Variants in CD6 observed in about 807,000 individuals in gnomAD.
The protein encoded by CD6 is T-cell differentiation antigen CD6.
Under a neutral mutation model 75.3 loss-of-function variants are expected in CD6, and 53 were observed. The observed-to-expected ratio is 0.70, with a 90% CI of 0.56 to 0.88. The LOEUF (loss-of-function observed/expected upper bound fraction) is 0.88, where lower values mean the gene tolerates loss of function less well. Ranked by LOEUF, CD6 falls within the 40% of genes least tolerant of loss-of-function variation. The pLI, the probability that CD6 is intolerant of heterozygous loss-of-function variation, is 0.00. For synonymous variants in CD6, 359 were observed against 381.5 expected (o/e 0.94, Z 0.69); for missense variants, 770 against 897.1 (o/e 0.86, Z 1.81).
At position 61,013,519 on chromosome 11, in the gene CD6, T is replaced by C. The variant is rs754171556; in HGVS notation, c.1247T>C (p.Leu416Pro). ...IVLGILLLGS[L>P]IFIAFILLRI... The stretch of plus-strand genomic sequence containing the variant: ...CTGGGAATTCTCCTCCTTGGCTCCC[T>C]CATCTTCATAGCCTTCATCCTCTTG... Residue 416 changes from leucine (L) to proline (P), a missense_variant, in exon 7 of 13, where the codon CTC becomes CCC. Physicochemically the swap from Leu to Pro is moderately conservative, Grantham distance 98 (BLOSUM62 -3). Transcript: ENST00000313421. 6.2e-7 allele frequency: 1 copy of C among 1,614,128 alleles called. No homozygotes were observed. The highest frequency in any genetic ancestry group is 1.1e-5 in the South Asian group (1 of 91,080).
chr11:60,982,302 G>A (rs1195748134), intron 1 of CD6, among the ~76,000 whole-genome samples: 2 of 152,198 alleles, frequency 1.3e-5, no homozygotes, highest in African/African-American at 4.8e-5. Context: ...TGTGTCCTCG[G>A]AGTCAGATGC....
chr11:61,011,103 A>C lies in CD6; in HGVS notation c.1118A>C (p.Glu373Ala), dbSNP rs1461303201. The change falls in exon 6 of 13, where the codon GAA (glutamate) becomes GCA (alanine). Residue 373 changes from glutamate (E) to alanine (A), a missense_variant. By Grantham distance (107) the Glu-to-Ala change is moderately radical. Coordinates refer to ENST00000313421, the MANE Select transcript of CD6 (RefSeq NM_006725.5). ...SRSLHNLSTP[E>A]VPASVQTVTI... ...AGTTTGCACAATCTGTCCACTCCCG[A>C]AGTCCCTGCAAGTGTTCAGACAGTC... The C allele has an allele frequency of 6.2e-7, 1 of 1,613,800 alleles. No individual in the cohort carries two copies. The highest frequency in any genetic ancestry group is 8.5e-7 in the Non-Finnish European group (1 of 1,180,000).
chr11:60,984,235 C>A (rs1857702397), intron 1 of CD6, among the ~76,000 whole-genome samples: 1 of 152,318 alleles, frequency 6.6e-6, no homozygotes, highest in African/African-American at 2.4e-5. Flanking sequence ...TTGCCGGAAT[C>A]AGTTATTATA....
intron 1 of CD6, among the ~76,000 whole-genome samples, chr11:60,996,587 C>G (rs1858306587): frequency 6.6e-6 from 1 of 152,240 alleles, no homozygotes; most frequent in Admixed American, 6.5e-5. Context: ...GTCATCACTG[C>G]TCGGGACAAA....
intron 1 of CD6, among the ~76,000 whole-genome samples, chr11:60,993,690 A>G (rs1680397093): frequency 6.6e-6 from 1 of 152,172 alleles, no homozygotes; most frequent in African/African-American, 2.4e-5. Flanking sequence ...TGTCTAAGTC[A>G]TGAAAGACGA....
At chr11:61,012,866 G>A (rs1859212848) in intron 6 of CD6, among the ~76,000 whole-genome samples, 2 of 152,206 alleles carry the variant, frequency 1.3e-5, no homozygotes, top group African/African-American at 4.8e-5. Flanking sequence ...TCTGTTCACT[G>A]CCAGAGGTGG....
chr11:60,972,833 C>T (rs1052455138), intron 1 of CD6, among the ~76,000 whole-genome samples: 11 of 152,224 alleles, frequency 7.2e-5, no homozygotes, highest in African/African-American at 1.2e-4. Context: ...GTACATGTCG[C>T]GAGACTCTGG....
intron 1 of CD6, among the ~76,000 whole-genome samples, chr11:60,976,713 T>A (rs913343489): frequency 3.3e-5 from 5 of 152,170 alleles, no homozygotes; most frequent in African/African-American, 1.2e-4. Flanking sequence ...GGTTCCCCTG[T>A]GTTGCTGATG....
chr11:60,976,602 T>C (rs1019719279), intron 1 of CD6, among the ~76,000 whole-genome samples: 1 of 152,166 alleles, frequency 6.6e-6, no homozygotes, highest in Non-Finnish European at 1.5e-5. Context: ...AATGGCGCCA[T>C]TGCAGGTAAC....
intron 1 of CD6, chr11:60,982,706 T>C (rs1270341243): frequency 1.1e-5 from 5 of 456,068 alleles, no homozygotes; most frequent in Admixed American, 7.0e-5. Flanking sequence ...TATGACAATG[T>C]CTGAGCTGGA....
chr11:61,003,983 T>A (rs12794085), intron 1 of CD6, among the ~76,000 whole-genome samples: 1 of 73,076 alleles, frequency 1.4e-5, no homozygotes, highest in Non-Finnish European at 3.0e-5. Flanking sequence ...CTGCTGCTCA[T>A]TCATTCAGTC....
At position 60,992,471 on chromosome 11, in the gene CD6, G is replaced by A. The variant is rs1858103701; in HGVS notation, c.50-14103G>A. Reference sequence around the variant, plus strand: ...TTAATTTCAATCCAGTGTTCTTTCTGATGCCTATGATGTGGTAGATGGTTT... The same window carrying A: ...TTAATTTCAATCCAGTGTTCTTTCTAATGCCTATGATGTGGTAGATGGTTT... On this transcript the variant is annotated intron_variant, in intron 1 of 12. Coordinates refer to ENST00000313421, the MANE Select transcript of CD6 (RefSeq NM_006725.5). Among the ~76,000 whole-genome samples the A allele has an allele frequency of 2.6e-5, 4 of 152,066 alleles. No homozygotes were observed. In the South Asian group the frequency reaches 8.3e-4, roughly 32 times the overall value.
At chr11:60,982,729 G>A (rs1857624958) in intron 1 of CD6, 2 of 456,030 alleles carry the variant, frequency 4.4e-6, no homozygotes, top group Non-Finnish European at 8.8e-6. Context: ...AAACCCCAGC[G>A]AGCTGCCAGC....
Position 61,013,961 on chromosome 11 carries a change from T to A in CD6, c.1334T>A (p.Ile445Asn), listed in dbSNP as rs769652140. ...AACCACCAGCACCTACCCACCACCA[T>A]CCCGGCAGGGAGCAATAGCTATCAA... Reference protein sequence around the residue: ...MVNHQHLPTTIPAGSNSYQPV... With the variant: ...MVNHQHLPTTNPAGSNSYQPV... Residue 445 changes from isoleucine to asparagine, a missense_variant, in exon 8 of 13, where the codon ATC becomes AAC. Ile to Asn is a moderately radical substitution (Grantham distance 149). Transcript: ENST00000313421. 4 of 1,613,592 alleles carry A rather than the reference T, an allele frequency of 2.5e-6. No homozygotes were observed. The African/African-American group carries it at 5.3e-5, about 22-fold the overall frequency.
intron 1 of CD6, among the ~76,000 whole-genome samples, chr11:60,992,283 T>G (rs1485603560): frequency 6.6e-6 from 1 of 151,794 alleles, no homozygotes; most frequent in Non-Finnish European, 1.5e-5. Flanking sequence ...CCTCAGCCAC[T>G]GAAAGTGCTG....
Position 61,013,568 on chromosome 11 carries a change from G to A in CD6, c.1291+5G>A. 5 of 1,614,022 alleles carry A rather than the reference G, an allele frequency of 3.1e-6. No homozygotes were observed. In the South Asian group the frequency reaches 4.4e-5, roughly 14 times the overall value. Reference sequence around the variant, plus strand: ...TGAGAATTAAAGGAAAATATGGTAAGTGCAAGGTTCTGGGAGCCATGGCCA... The same window carrying A: ...TGAGAATTAAAGGAAAATATGGTAAATGCAAGGTTCTGGGAGCCATGGCCA... On this transcript the variant is annotated splice_donor_5th_base_variant and intron_variant, in intron 7 of 12. Transcript: ENST00000313421.
At chr11:60,997,038 C>G (rs766628449) in intron 1 of CD6, among the ~76,000 whole-genome samples, 5 of 152,134 alleles carry the variant, frequency 3.3e-5, no homozygotes, top group Non-Finnish European at 7.3e-5. Context: ...TACCTTCCCC[C>G]CATACAGCAC....
chr11:60,997,882 C>T (rs1403068975), intron 1 of CD6, among the ~76,000 whole-genome samples: 2 of 152,192 alleles, frequency 1.3e-5, no homozygotes, highest in Non-Finnish European at 2.9e-5. Flanking sequence ...AGTAGCCACA[C>T]GTGGCTGGTG....
At position 61,017,977 on chromosome 11, in the gene CD6, A is replaced by G; in HGVS notation, c.1801A>G (p.Asn601Asp). 6 of 1,612,506 alleles carry G rather than the reference A, an allele frequency of 3.7e-6. No homozygotes were observed. Among genetic ancestry groups the G allele is most frequent in the Admixed American group, 1.7e-5 (1 of 60,004 alleles). Residue 601 changes from asparagine to aspartate, a missense_variant, in exon 11 of 13, where the codon AAC becomes GAC. Coordinates refer to ENST00000313421, the MANE Select transcript of CD6 (RefSeq NM_006725.5). ...GAGTTCCTTCCTGGAGCAGCCCCCAAACTTGGAGCTGGCCGGCACCCAGCC... is the reference window on the plus strand; with the variant it reads ...GAGTTCCTTCCTGGAGCAGCCCCCAGACTTGGAGCTGGCCGGCACCCAGCC... Reference protein sequence around the residue: ...ERSSFLEQPPNLELAGTQPAF... With the variant: ...ERSSFLEQPPDLELAGTQPAF...
Sources: allele counts gnomAD v4.1 joint callset (sites outside exome capture counted in the v4.1 genomes callset), GRCh38; gene constraint gnomAD v4.1.1; transcripts MANE v1.5; gene names NCBI Gene and HGNC (gene_info 2026-07-23, HGNC 2026-07-21).